The following DNAH14 variants were observed in gnomAD, a reference collection of about 807,000 sequenced individuals.
DNAH14 encodes dynein axonemal heavy chain 14, also known as axonemal beta dynein heavy chain 14.
In DNAH14, 478 loss-of-function variants were observed where a neutral mutation model predicts 520.9. That is an observed-to-expected ratio of 0.92 (90% confidence interval 0.85 to 0.99). The LOEUF (loss-of-function observed/expected upper bound fraction) is 0.99, where lower values mean the gene tolerates loss of function less well. DNAH14 is among the 50% of genes least tolerant of loss of function. The pLI, the probability that DNAH14 is intolerant of heterozygous loss-of-function variation, is 0.00. For synonymous variants in DNAH14, 1,581 were observed against 1,757.2 expected (o/e 0.90, Z 2.51); for missense variants, 4,831 against 5,234.5 (o/e 0.92, Z 2.38).
intron 17 of DNAH14, among the ~76,000 whole-genome samples, chr1:225,056,337 G>A (rs1248291219): frequency 6.6e-6 from 1 of 152,178 alleles, no homozygotes; most frequent in Non-Finnish European, 1.5e-5. Context: ...GTCTTCTTTT[G>A]AGAAGTGTCT....
intron 48 of DNAH14, among the ~76,000 whole-genome samples, chr1:225,266,411 G>A (rs2093120442): frequency 6.6e-6 from 1 of 152,088 alleles, no homozygotes; most frequent in Non-Finnish European, 1.5e-5. Flanking sequence ...AAGGTGAATA[G>A]AGTGTCTGCT....
At chr1:225,033,951 A>G (rs556537392) in intron 11 of DNAH14, among the ~76,000 whole-genome samples, 1 of 152,298 alleles carries the variant, frequency 6.6e-6, no homozygotes, top group South Asian at 2.1e-4. Context: ...GCTGTTTATC[A>G]GCTGAAGGAG....
intron 11 of DNAH14, among the ~76,000 whole-genome samples, chr1:225,033,177 C>T (rs1322792980): frequency 1.3e-5 from 2 of 152,064 alleles, no homozygotes; most frequent in Non-Finnish European, 2.9e-5. Flanking sequence ...AATGGTACTG[C>T]CTAGGTTGTC....
At chr1:225,176,345 G>A (rs180866623) in intron 36 of DNAH14, among the ~76,000 whole-genome samples, 3 of 152,236 alleles carry the variant, frequency 2.0e-5, no homozygotes, top group Non-Finnish European at 4.4e-5. Context: ...TTCAAAAATA[G>A]TGAAGAGTTG....
intron 7 of DNAH14, among the ~76,000 whole-genome samples, chr1:224,972,276 T>G (rs1158809040): frequency 6.6e-6 from 1 of 152,006 alleles, no homozygotes; most frequent in African/African-American, 2.4e-5. Flanking sequence ...AATATAGACT[T>G]ACTTAATTTT....
chr1:224,995,819 T>A (rs2063354424), intron 8 of DNAH14, among the ~76,000 whole-genome samples: 1 of 152,138 alleles, frequency 6.6e-6, no homozygotes, highest in South Asian at 2.1e-4. Flanking sequence ...TGACTGAGCC[T>A]GCTGTTGAAA....
At chr1:225,071,461 A>G (rs1214727039) in intron 17 of DNAH14, among the ~76,000 whole-genome samples, 1 of 152,084 alleles carries the variant, frequency 6.6e-6, no homozygotes, top group Non-Finnish European at 1.5e-5. Flanking sequence ...CCAGATATGA[A>G]ATTCTGGGTT....
chr1:225,349,305 A>G (rs2095331187), intron 71 of DNAH14, among the ~76,000 whole-genome samples: 1 of 152,220 alleles, frequency 6.6e-6, no homozygotes, highest in Non-Finnish European at 1.5e-5. Context: ...ATATCTATAG[A>G]ATATGCACAA....
chr1:225,225,365 T>C (rs1182781231), intron 41 of DNAH14, among the ~76,000 whole-genome samples: 1 of 152,200 alleles, frequency 6.6e-6, no homozygotes, highest in Admixed American at 6.5e-5. Flanking sequence ...GTCCACCCAA[T>C]ATGTTATTAA....
chr1:225,354,361 T>G (rs80300743), intron 73 of DNAH14: 111 of 657,152 alleles, frequency 1.7e-4, no homozygotes, highest in Non-Finnish European at 2.6e-4. Context: ...CCTTTATTAT[T>G]AATAAAAGGA....
chr1:225,386,790 T>C (rs1234024770), intron 81 of DNAH14, among the ~76,000 whole-genome samples: 4 of 152,242 alleles, frequency 2.6e-5, no homozygotes, highest in Non-Finnish European at 4.4e-5. Context: ...GGTGGGACTG[T>C]AAACTAGTTC....
chr1:225,204,384 C>CCA, intron 39 of DNAH14, 111 bp downstream of exon 39: 1 of 622,478 alleles, frequency 1.6e-6, no homozygotes. Context: ...ATATTTTGTT[C>CCA]CTGTACCATT....
chr1:225,273,868 G>A (rs188615135), intron 52 of DNAH14, among the ~76,000 whole-genome samples: 5 of 152,222 alleles, frequency 3.3e-5, no homozygotes, highest in East Asian at 1.9e-4. Context: ...ATTTTTTGCC[G>A]TCTCCTTTCA....
At chr1:225,190,280 C>T (rs1446239921) in intron 37 of DNAH14, among the ~76,000 whole-genome samples, 5 of 151,918 alleles carry the variant, frequency 3.3e-5, no homozygotes, top group Non-Finnish European at 5.9e-5. Flanking sequence ...AATGTGATCT[C>T]TATCTCTCAA....
intron 49 of DNAH14, 36 bp downstream of exon 49, chr1:225,266,805 A>G (rs893824505): frequency 2.8e-6 from 4 of 1,438,334 alleles, no homozygotes; most frequent in African/African-American, 1.5e-5. Flanking sequence ...CACATTAAGT[A>G]TTATTTCTCA....
chr1:225,059,503 A>G (rs1309093796), intron 17 of DNAH14, among the ~76,000 whole-genome samples: 1 of 152,204 alleles, frequency 6.6e-6, no homozygotes, highest in East Asian at 1.9e-4. Flanking sequence ...GTGTCTTTTA[A>G]TTGGAGCATT....
intron 36 of DNAH14, among the ~76,000 whole-genome samples, chr1:225,183,161 C>A (rs11585032): frequency 0.13 from 19,457 of 152,228 alleles, 1,399 homozygotes; most frequent in East Asian, 0.31. Flanking sequence ...CCTTGTGGAC[C>A]CTGATTCCAG....
chr1:225,125,522 GC>G (rs2077647480), intron 27 of DNAH14, among the ~76,000 whole-genome samples: 1 of 152,140 alleles, frequency 6.6e-6, no homozygotes, highest in Non-Finnish European at 1.5e-5. Flanking sequence ...GCCAACTTCT[GC>G]TAGCTTTCAA....
intron 8 of DNAH14, among the ~76,000 whole-genome samples, chr1:224,995,091 T>C (rs1048956106): frequency 1.4e-4 from 21 of 152,252 alleles, no homozygotes; most frequent in Admixed American, 1.4e-3. Context: ...CACGTTACCA[T>C]TGTAGTCCTA....
Sources: gnomAD v4.1 joint callset for allele counts (sites outside exome capture counted in the v4.1 genomes callset) on GRCh38, gnomAD v4.1.1 for gene constraint, MANE v1.5 for transcripts, NCBI Gene and HGNC (gene_info 2026-07-23, HGNC 2026-07-21) for gene names.